The following FHAD1 variants were observed in gnomAD, a reference collection of about 807,000 sequenced individuals.
The protein encoded by FHAD1 is forkhead associated phosphopeptide binding domain 1, also known as forkhead-associated domain-containing protein 1.
FHAD1 carries 146 observed loss-of-function variants against 191.3 expected under a neutral mutation model. The ratio of observed to expected loss-of-function variants is 0.76; its 90% CI spans 0.67 to 0.88. FHAD1 has a LOEUF of 0.88. FHAD1 is among the 40% of genes least tolerant of loss of function. FHAD1 has a pLI of 0.00. For synonymous variants in FHAD1, 616 were observed against 672.3 expected, an observed-to-expected ratio of 0.92 and a Z score of 1.29; for missense variants, 1,635 against 1,785.8, an observed-to-expected ratio of 0.92 and a Z score of 1.52.
chr1:15,374,522 A>G lies in FHAD1; in HGVS notation c.3468A>G (p.Leu1156=). The G allele has an allele frequency of 6.4e-7, 1 of 1,551,804 alleles. No homozygotes were observed. The highest frequency in any genetic ancestry group is 8.7e-7 in the Non-Finnish European group (1 of 1,147,018). Residue 1156 remains leucine (L), a synonymous_variant, in exon 27 of 34, where the codon CTA becomes CTG. Coordinates refer to ENST00000688493, the MANE Select transcript of FHAD1 (RefSeq NM_001391957.1). ...CACAGCAGCAATCCTTCAGCGATCT[A>G]GGGGTCAGGTGCAAAGGGTCCCGGC... ...SSQEQQSFSD[L]GVRCKGSRHE... is the part of the protein sequence containing the mutation.
chr1:15,380,732 G>A lies in FHAD1; in HGVS notation c.3737G>A (p.Gly1246Asp), dbSNP rs921657863. Residue 1246 changes from glycine to aspartate, a missense_variant, in exon 29 of 34, where the codon GGC becomes GAC. Gly to Asp is a moderately conservative substitution (Grantham distance 94). Coordinates refer to ENST00000688493, the MANE Select transcript of FHAD1 (RefSeq NM_001391957.1). Reference protein sequence around the residue: ...PQNGLCNARFGSAMEKSGKMD... With the variant: ...PQNGLCNARFDSAMEKSGKMD... The stretch of plus-strand genomic sequence containing the variant: ...AATGGCCTTTGCAACGCAAGGTTCG[G>A]CTCAGCCATGGAGAAGTCAGGGAAG... 34 of 1,551,594 alleles carry A rather than the reference G, an allele frequency of 2.2e-5. No homozygotes were observed. The East Asian group carries it at 8.1e-4, about 37-fold the overall frequency.
intron 7 of FHAD1, among the ~76,000 whole-genome samples, chr1:15,310,499 A>G (rs1002748157): frequency 4.0e-5 from 6 of 151,562 alleles, no homozygotes; most frequent in Non-Finnish European, 8.8e-5. Context: ...CTCAGACACC[A>G]CTCCTCTAAT....
chr1:15,376,730 G>A (rs1252797132), intron 28 of FHAD1, among the ~76,000 whole-genome samples: 1 of 152,126 alleles, frequency 6.6e-6, no homozygotes, highest in African/African-American at 2.4e-5. Context: ...AATGATAGAT[G>A]TTATTATTAA....
At chr1:15,264,544 A>G (rs113292252) in intron 2 of FHAD1, among the ~76,000 whole-genome samples, 4 of 128,246 alleles carry the variant, frequency 3.1e-5, no homozygotes, top group South Asian at 2.7e-4. Flanking sequence ...TGTTATATGT[A>G]TATATGTGTG....
At chr1:15,359,205 G>A (rs1345819318) in intron 21 of FHAD1, among the ~76,000 whole-genome samples, 1 of 152,148 alleles carries the variant, frequency 6.6e-6, no homozygotes, top group East Asian at 1.9e-4. Flanking sequence ...GGCGAGGATA[G>A]GGCATCAAAG....
chr1:15,277,893 G>A (rs1205200498), intron 3 of FHAD1, among the ~76,000 whole-genome samples: 1 of 152,164 alleles, frequency 6.6e-6, no homozygotes, highest in South Asian at 2.1e-4. Context: ...GTACCAGGAA[G>A]TGTCCTAAGT....
At chr1:15,332,809 AC>A (rs1246982287) in intron 14 of FHAD1, among the ~76,000 whole-genome samples, 3 of 152,214 alleles carry the variant, frequency 2.0e-5, no homozygotes, top group African/African-American at 7.2e-5. Flanking sequence ...CATTCCTCAG[AC>A]CAGCCATTTT....
intron 32 of FHAD1, among the ~76,000 whole-genome samples, chr1:15,389,469 C>A (rs905006638): frequency 9.4e-5 from 8 of 84,668 alleles, no homozygotes; most frequent in African/African-American, 4.3e-4. Context: ...AAAAAAAAAA[C>A]CTGCTGGAAG....
At position 15,367,592 on chromosome 1, in the gene FHAD1, G is replaced by C. The variant is rs1003240020; in HGVS notation, c.3284G>C (p.Arg1095Pro). Reference protein sequence around the residue: ...QMSSLVEKKDRELKALEEALR... With the variant: ...QMSSLVEKKDPELKALEEALR... ...AGCAGCCTGGTAGAAAAGAAAGATC[G>C]GGAGCTGAAGGCCCTTGAGGAGGCA... The change falls in exon 25 of 34, where the codon CGG becomes CCG. Residue 1095 changes from arginine to proline, a missense_variant. Transcript: ENST00000688493. 1 of 1,548,816 alleles carries C rather than the reference G, an allele frequency of 6.5e-7. No homozygotes were observed. Among genetic ancestry groups the C allele is most frequent in the Non-Finnish European group, 8.7e-7 (1 of 1,146,576 alleles).
rs1172621121 is a variant in FHAD1 at position 15,381,620 on chromosome 1, G to A, written c.4022+169G>A. ...GGGAGGGCACTGACTAGGCCTGGTA[G>A]AGGGAATTCTGTCCCCGAGATCACG... is the stretch of plus-strand genomic sequence containing the variant. On this transcript the variant is annotated intron_variant, in intron 30 of 33. Transcript: ENST00000688493. This position sits in a 1 kb window ranked among gnomAD's most constrained non-coding sequence, Gnocchi z 4.6. Among the ~76,000 whole-genome samples the A allele has an allele frequency of 6.6e-6, 1 of 152,120 alleles. No individual in the cohort carries two copies. The highest frequency in any genetic ancestry group is 1.5e-5 in the Non-Finnish European group (1 of 68,020).
chr1:15,354,552 C>T (rs772776216), intron 20 of FHAD1, among the ~76,000 whole-genome samples: 6 of 152,006 alleles, frequency 3.9e-5, no homozygotes, highest in African/African-American at 7.3e-5. Context: ...CCCAAGCAGC[C>T]GTGTCCCCCA....
At position 15,388,115 on chromosome 1, in the gene FHAD1, A is replaced by G. The variant is rs1230437422; in HGVS notation, c.4253A>G (p.Lys1418Arg). Residue 1418 changes from lysine to arginine, a missense_variant, in exon 32 of 34, where the codon AAA becomes AGA. Physicochemically the swap from Lys to Arg is conservative, Grantham distance 26. Transcript: ENST00000688493. Reference sequence around the variant, plus strand: ...TCGACACCTTGCAACTGTGCCTTCAAAGAGAAAGACAGGCAGGTATGGGAG... The same window carrying G: ...TCGACACCTTGCAACTGTGCCTTCAGAGAGAAAGACAGGCAGGTATGGGAG... ...KESTPCNCAF[K>R]EKDRQRRVFV... 1.6e-6 allele frequency: 2 copies of G among 1,289,792 alleles called. No homozygotes were observed. The highest frequency in any genetic ancestry group is 2.5e-5 in the South Asian group (2 of 81,024). 79.9% of individuals were successfully genotyped at this position (1,289,792 alleles called of 1,614,324 possible). A position where few individuals can be genotyped will look rare whatever the true frequency, so the allele number is the denominator to read the frequency against.
At chr1:15,321,831 A>G (rs1477659134) in intron 10 of FHAD1, among the ~76,000 whole-genome samples, 2 of 152,226 alleles carry the variant, frequency 1.3e-5, no homozygotes, top group South Asian at 2.1e-4. Flanking sequence ...ATGTGTGTGT[A>G]TGCATGTGTA....
chr1:15,348,910 A>C (rs896344159), intron 18 of FHAD1, 132 bp from the exon 19 acceptor site: 21 of 630,942 alleles, frequency 3.3e-5, no homozygotes, highest in Middle Eastern at 6.5e-4. Flanking sequence ...CCAGGGGCCC[A>C]GGTGTATTTA....
At chr1:15,370,835 A>G (rs1697867687) in intron 26 of FHAD1, among the ~76,000 whole-genome samples, 1 of 152,140 alleles carries the variant, frequency 6.6e-6, no homozygotes, top group African/African-American at 2.4e-5. Flanking sequence ...CCTAGAGAGC[A>G]TGGCGTTCCA....
At chr1:15,300,848 T>C (rs917189820) in intron 5 of FHAD1, among the ~76,000 whole-genome samples, 3 of 152,186 alleles carry the variant, frequency 2.0e-5, no homozygotes, top group African/African-American at 7.2e-5. Flanking sequence ...TACCTTTTTT[T>C]GAGACAGTTT....
chr1:15,310,248 A>G (rs896390969), intron 7 of FHAD1, among the ~76,000 whole-genome samples: 1 of 152,164 alleles, frequency 6.6e-6, no homozygotes, highest in Admixed American at 6.5e-5. Flanking sequence ...GTCAGACACA[A>G]TCGCTGTCTC....
chr1:15,394,058 C>A (rs113526290), intron 33 of FHAD1, among the ~76,000 whole-genome samples: 4 of 152,154 alleles, frequency 2.6e-5, no homozygotes, highest in Non-Finnish European at 4.4e-5. Context: ...TTTAAATGAC[C>A]GGCTTCTACC....
At chr1:15,304,340 A>C (rs1174451136) in intron 6 of FHAD1, among the ~76,000 whole-genome samples, 1 of 152,240 alleles carries the variant, frequency 6.6e-6, no homozygotes, top group Non-Finnish European at 1.5e-5. Flanking sequence ...ATTTATGCCA[A>C]TTATAGACAA....
Sources: allele counts gnomAD v4.1 joint callset (sites outside exome capture counted in the v4.1 genomes callset), GRCh38; gene constraint gnomAD v4.1.1; non-coding constraint Gnocchi (gnomAD v3.1); transcripts MANE v1.5; gene names NCBI Gene and HGNC (gene_info 2026-07-23, HGNC 2026-07-21).